FGF14: variants seen among roughly 807,000 people sequenced by gnomAD.
FGF14 encodes fibroblast growth factor homologous factor 4.
FGF14 carries 5 observed loss-of-function variants against 25.5 expected under a neutral mutation model. The ratio of observed to expected loss-of-function variants is 0.20; its 90% CI spans 0.10 to 0.41. The LOEUF (loss-of-function observed/expected upper bound fraction) is 0.41. Ranked by LOEUF, FGF14 falls within the 10% of genes least tolerant of loss-of-function variation. The pLI, the probability that FGF14 is intolerant of heterozygous loss-of-function variation, is 1.00. For missense variants in FGF14, 222 were observed against 320.1 expected (o/e 0.69, Z 2.34); for synonymous variants, 138 against 118.3 (o/e 1.17, Z -1.08).
intron 3 of FGF14, among the ~76,000 whole-genome samples, chr13:101,829,054 T>C: frequency 6.6e-6 from 1 of 152,134 alleles, no homozygotes; most frequent in East Asian, 1.9e-4. Context: ...TTCAAGTTTT[T>C]GCTATTTATC....
At chr13:102,193,442 G>C (rs1302510064) in intron 1 of FGF14, among the ~76,000 whole-genome samples, 2 of 152,158 alleles carry the variant, frequency 1.3e-5, no homozygotes, top group Non-Finnish European at 2.9e-5. Context: ...AATCTAGAAG[G>C]CAACACACAT....
intron 1 of FGF14, among the ~76,000 whole-genome samples, chr13:102,286,176 T>G (rs947082700): frequency 6.6e-6 from 1 of 152,146 alleles, no homozygotes; most frequent in Non-Finnish European, 1.5e-5. Context: ...CATTGCCATA[T>G]TCTCACCAGG....
At chr13:102,239,018 C>T (rs1220703981) in intron 1 of FGF14, among the ~76,000 whole-genome samples, 3 of 151,930 alleles carry the variant, frequency 2.0e-5, no homozygotes, top group Admixed American at 2.0e-4. Context: ...GACGATGGAA[C>T]TCAGAGGCAG....
chr13:102,238,673 C>A (rs528377514), intron 1 of FGF14, among the ~76,000 whole-genome samples: 1 of 152,312 alleles, frequency 6.6e-6, no homozygotes, highest in African/African-American at 2.4e-5. Context: ...AAAGTATAGA[C>A]AGTGATATGG....
intron 1 of FGF14, among the ~76,000 whole-genome samples, chr13:102,164,573 G>C (rs759448709): frequency 1.2e-4 from 19 of 152,148 alleles, no homozygotes; most frequent in Non-Finnish European, 2.1e-4. Flanking sequence ...CCAGGATGGG[G>C]AACAAGAAGA....
intron 4 of FGF14, 60 bp from the exon 5 acceptor site, chr13:101,723,027 G>A (rs545443080): frequency 1.2e-6 from 2 of 1,601,758 alleles, no homozygotes; most frequent in Admixed American, 3.3e-5. Context: ...TGTGAGAATG[G>A]TCCATCCATA....
chr13:102,139,604 A>G (rs1436850431), intron 1 of FGF14, among the ~76,000 whole-genome samples: 1 of 151,790 alleles, frequency 6.6e-6, no homozygotes, highest in Non-Finnish European at 1.5e-5. Flanking sequence ...GGAGGGGGGG[A>G]TGGCATGGAA....
chr13:101,771,939 T>G (rs1238390118), intron 3 of FGF14, among the ~76,000 whole-genome samples: 2 of 152,056 alleles, frequency 1.3e-5, no homozygotes, highest in African/African-American at 2.4e-5. Flanking sequence ...AAAACAATGT[T>G]GTCAAACAGA....
At chr13:101,824,538 A>G (rs2042310135) in intron 3 of FGF14, among the ~76,000 whole-genome samples, 1 of 152,194 alleles carries the variant, frequency 6.6e-6, no homozygotes. Context: ...AATATTTGGT[A>G]TTAAAACTAA....
At chr13:101,908,641 A>G (rs2032538630) in intron 1 of FGF14, among the ~76,000 whole-genome samples, 1 of 152,208 alleles carries the variant, frequency 6.6e-6, no homozygotes, top group African/African-American at 2.4e-5. Flanking sequence ...GGAAGAATCA[A>G]TATCATGAAA....
intron 1 of FGF14, among the ~76,000 whole-genome samples, chr13:102,216,293 C>A (rs1227879435): frequency 6.6e-6 from 1 of 152,104 alleles, no homozygotes; most frequent in African/African-American, 2.4e-5. Flanking sequence ...CTGGCTTCAC[C>A]ATCTACTAGC....
intron 1 of FGF14, among the ~76,000 whole-genome samples, chr13:101,993,923 TAATAA>T (rs1389880132): frequency 6.6e-6 from 1 of 151,500 alleles, no homozygotes; most frequent in Non-Finnish European, 1.5e-5. Context: ...AGTATAATAA[TAATAA>T]AATAAAAAAA....
At chr13:101,992,810 A>G (rs1164482259) in intron 1 of FGF14, among the ~76,000 whole-genome samples, 1 of 152,098 alleles carries the variant, frequency 6.6e-6, no homozygotes, top group African/African-American at 2.4e-5. Context: ...TTTGAAAAGT[A>G]AAACAGAATA....
In FGF14 at chr13:102,011,956, A is replaced by C. The variant is rs529660569; in HGVS notation, c.209-136660T>G. On this transcript the variant is annotated intron_variant, in intron 1 of 4. Transcript: ENST00000376131. The stretch of plus-strand genomic sequence containing the variant: ...CTCATGGCTTTGTTCATGAATGGTA[A>C]TTTGTGGTAATAAATTCGTTCTTTT... Among the ~76,000 whole-genome samples, 117 of 152,284 alleles carry C rather than the reference A, an allele frequency of 7.7e-4. 2 individuals are homozygous for C. In the South Asian group the frequency reaches 0.017, roughly 22 times the overall value.
intron 1 of FGF14, among the ~76,000 whole-genome samples, chr13:101,986,593 G>A (rs1020144624): frequency 6.6e-6 from 1 of 152,030 alleles, no homozygotes; most frequent in African/African-American, 2.4e-5. Context: ...TGTTTTTATT[G>A]CCAAATTTCT....
chr13:101,782,167 A>G (rs907264725), intron 3 of FGF14, among the ~76,000 whole-genome samples: 1 of 152,122 alleles, frequency 6.6e-6, no homozygotes, highest in Non-Finnish European at 1.5e-5. Context: ...TATGTCCCCA[A>G]CTGGCTCCTT....
intron 1 of FGF14, among the ~76,000 whole-genome samples, chr13:101,985,623 C>A (rs746025270): frequency 1.3e-5 from 2 of 152,010 alleles, no homozygotes; most frequent in Non-Finnish European, 2.9e-5. Context: ...AAAAAAGAGT[C>A]TACGGTTGTA....
At chr13:101,878,431 T>A (rs975013286) in intron 1 of FGF14, among the ~76,000 whole-genome samples, 1 of 152,212 alleles carries the variant, frequency 6.6e-6, no homozygotes, top group Non-Finnish European at 1.5e-5. Context: ...TATGGTATCA[T>A]AGGTGAATGT....
At chr13:102,324,908 T>C (rs1360492091) in intron 1 of FGF14, among the ~76,000 whole-genome samples, 2 of 152,176 alleles carry the variant, frequency 1.3e-5, no homozygotes, top group Non-Finnish European at 2.9e-5. Context: ...CTGCTAACCA[T>C]TAATTGATAT....
Sources: gnomAD v4.1 joint callset for allele counts (sites outside exome capture counted in the v4.1 genomes callset) on GRCh38, gnomAD v4.1.1 for gene constraint, MANE v1.5 for transcripts, NCBI Gene and HGNC (gene_info 2026-07-23, HGNC 2026-07-21) for gene names.